PCBP3: variants seen among roughly 807,000 people sequenced by gnomAD.
The protein encoded by PCBP3 is poly(rC)-binding protein 3.
Under a neutral mutation model 52.7 loss-of-function variants are expected in PCBP3, and 25 were observed. The ratio of observed to expected loss-of-function variants is 0.47; its 90% CI spans 0.35 to 0.66. The LOEUF is 0.66. Among genes scored for constraint, PCBP3 ranks in the 30% least tolerant of loss-of-function variants. The pLI is 0.01. For synonymous variants in PCBP3, 162 were observed against 183.0 expected, an observed-to-expected ratio of 0.89 and a Z score of 0.93; for missense variants, 391 against 490.3, an observed-to-expected ratio of 0.80 and a Z score of 1.91.
At chr21:45,816,021 AGTGAGTG>A (rs1311847409) in intron 4 of PCBP3, among the ~76,000 whole-genome samples, 26 of 40,952 alleles carry the variant, frequency 6.3e-4, no homozygotes, top group Admixed American at 2.6e-3. Flanking sequence ...AGTGGTGAGT[AGTGAGTG>A]GTGAGTGGTG....
chr21:45,851,813 G>T (rs556955935), intron 5 of PCBP3, among the ~76,000 whole-genome samples: 7 of 152,200 alleles, frequency 4.6e-5, no homozygotes, highest in African/African-American at 7.2e-5. Context: ...TAATACTAAA[G>T]AAATTTAAGT....
rs188920821 is a variant in PCBP3 at position 45,854,866 on chromosome 21, C to T, written c.10+4771C>T. On this transcript the variant is annotated intron_variant, in intron 5 of 17. Transcript: ENST00000681687. ...GAGCAAGCACTCCGAGCCTCTGCCC[C>T]GCGGAATGCAGTGGTCTGAGAAGTA... 1.1e-4 allele frequency among the ~76,000 whole-genome samples: 16 copies of T among 152,250 alleles called. No individual in the cohort carries two copies. The East Asian group carries it at 1.4e-3, about 13-fold the overall frequency.
At chr21:45,664,011 TTTTTTTTTC>T (rs995530164) in intron 1 of PCBP3, among the ~76,000 whole-genome samples, 17 of 37,222 alleles carry the variant, frequency 4.6e-4, no homozygotes, top group South Asian at 1.2e-3. Flanking sequence ...GATGTTTTTC[TTTTTTTTTC>T]TTTTTTTTTT....
chr21:45,657,203 C>T (rs1954953322), intron 1 of PCBP3, among the ~76,000 whole-genome samples: 2 of 152,060 alleles, frequency 1.3e-5, no homozygotes, highest in African/African-American at 4.8e-5. Context: ...TCTTTTGTTG[C>T]TTGTGCTTTG....
chr21:45,721,089 A>C (rs930812492), intron 2 of PCBP3, among the ~76,000 whole-genome samples: 1 of 152,202 alleles, frequency 6.6e-6, no homozygotes, highest in Non-Finnish European at 1.5e-5. Flanking sequence ...GGAAGCAGCT[A>C]CTTGGCCAAA....
chr21:45,717,859 G>A (rs185747883), intron 2 of PCBP3, among the ~76,000 whole-genome samples: 3 of 152,304 alleles, frequency 2.0e-5, no homozygotes, highest in Admixed American at 1.3e-4. Context: ...GAGTTGGGAA[G>A]TATCCTTTTC....
At chr21:45,782,817 C>T (rs780607261) in intron 4 of PCBP3, among the ~76,000 whole-genome samples, 2 of 152,176 alleles carry the variant, frequency 1.3e-5, no homozygotes, top group Admixed American at 6.5e-5. Context: ...TAAAATGGTC[C>T]ATTGCTCTCC....
intron 5 of PCBP3, among the ~76,000 whole-genome samples, chr21:45,867,457 T>A (rs2094787166): frequency 6.6e-6 from 1 of 152,210 alleles, no homozygotes; most frequent in Non-Finnish European, 1.5e-5. Flanking sequence ...ACGGGGTCCC[T>A]GGCGCACCTG....
chr21:45,715,489 A>T (rs1384353732), intron 2 of PCBP3, among the ~76,000 whole-genome samples: 1 of 152,214 alleles, frequency 6.6e-6, no homozygotes, highest in Non-Finnish European at 1.5e-5. Flanking sequence ...TACCCTGAAA[A>T]TAATCCCATG....
intron 2 of PCBP3, among the ~76,000 whole-genome samples, chr21:45,723,761 C>T (rs534699257): frequency 2.0e-4 from 30 of 152,326 alleles, no homozygotes; most frequent in African/African-American, 6.7e-4. Context: ...GGGTCGAGCT[C>T]AGGGTCTGTG....
At chr21:45,716,574 G>A (rs2084240173) in intron 2 of PCBP3, among the ~76,000 whole-genome samples, 1 of 152,090 alleles carries the variant, frequency 6.6e-6, no homozygotes, top group Admixed American at 6.5e-5. Context: ...TCCTCTTCTT[G>A]TAAGGACACT....
Position 45,727,686 on chromosome 21 carries a change from G to A in PCBP3, c.-199-7706G>A, listed in dbSNP as rs546178309. Reference sequence around the variant, plus strand: ...GCCTGGCCTTGGGTGATTGGGGCAGGTGGGGAGTGGCCCCATGTGAGAGGA... The same window carrying A: ...GCCTGGCCTTGGGTGATTGGGGCAGATGGGGAGTGGCCCCATGTGAGAGGA... On this transcript the variant is annotated intron_variant, in intron 2 of 17. Coordinates refer to ENST00000681687, the MANE Select transcript of PCBP3 (RefSeq NM_001384156.1). 2.6e-5 allele frequency among the ~76,000 whole-genome samples: 4 copies of A among 152,298 alleles called. No individual in the cohort carries two copies. In the East Asian group the frequency reaches 7.7e-4, roughly 29 times the overall value.
chr21:45,717,767 T>C (rs2084324639), intron 2 of PCBP3, among the ~76,000 whole-genome samples: 1 of 152,254 alleles, frequency 6.6e-6, no homozygotes, highest in South Asian at 2.1e-4. Flanking sequence ...TACATGTGTA[T>C]TCATAAGAGA....
At chr21:45,718,038 C>T (rs959549146) in intron 2 of PCBP3, among the ~76,000 whole-genome samples, 1 of 152,078 alleles carries the variant, frequency 6.6e-6, no homozygotes, top group Non-Finnish European at 1.5e-5. Context: ...TCTCTTTTAT[C>T]TAGAGTCAGT....
At position 45,674,071 on chromosome 21, in the gene PCBP3, T is replaced by G. The variant is rs2081325100; in HGVS notation, c.-200+5119T>G. 2.0e-5 allele frequency among the ~76,000 whole-genome samples: 3 copies of G among 152,192 alleles called. No homozygotes were observed. In the South Asian group the frequency reaches 6.2e-4, roughly 32 times the overall value. ...TGGAATTTTGAAGATAATGAGATTT[T>G]GTAATGGAACCATGTTTCTCAGTAA... On this transcript the variant is annotated intron_variant, in intron 2 of 17. Transcript: ENST00000681687.
rs961158376 is a variant in PCBP3 at position 45,917,479 on chromosome 21, G to A, written c.676-109G>A. 6 of 822,228 alleles carry A rather than the reference G, an allele frequency of 7.3e-6. No individual in the cohort carries two copies. The highest frequency in any genetic ancestry group is 2.5e-5 in the East Asian group (1 of 40,546). The allele number at this position is 822,228 out of a possible 1,614,324, so 50.9% of individuals were successfully genotyped here. ...GATGGGGACAGGTGGAGAGGCACAC[G>A]AGGGGGAAGCTTCTACCGGAGGGTC... On this transcript the variant is annotated intron_variant, in intron 12 of 17. Transcript: ENST00000681687. This position sits in a 1 kb window ranked among gnomAD's most constrained non-coding sequence, Gnocchi z 5.3.
In PCBP3 at chr21:45,791,712, A is replaced by G. The variant is rs563172306; in HGVS notation, c.-126+36260A>G. Among the ~76,000 whole-genome samples the G allele has an allele frequency of 3.3e-5, 5 of 152,384 alleles. No homozygotes were observed. Among genetic ancestry groups the G allele is most frequent in the African/African-American group, 1.2e-4 (5 of 41,588 alleles). On this transcript the variant is annotated intron_variant, in intron 4 of 17. Coordinates refer to ENST00000681687, the MANE Select transcript of PCBP3 (RefSeq NM_001384156.1). The surrounding 1 kb of genome is among the most constrained non-coding windows in gnomAD (Gnocchi z 4.2). ...AAATACAACTACCTCTTCAGCTTAG[A>G]GAATAGTACTACTTGGTTTCCCTGG...
At chr21:45,694,745 C>G (rs1344805392) in intron 2 of PCBP3, among the ~76,000 whole-genome samples, 2 of 152,072 alleles carry the variant, frequency 1.3e-5, no homozygotes, top group Non-Finnish European at 2.9e-5. Flanking sequence ...AAAAGAACTT[C>G]TAGAAATAAA....
At chr21:45,895,404 T>C (rs532226400) in intron 5 of PCBP3, among the ~76,000 whole-genome samples, 21 of 152,240 alleles carry the variant, frequency 1.4e-4, no homozygotes, top group African/African-American at 5.1e-4. Flanking sequence ...GGTGTTGCCC[T>C]TCAGGGAAGG....
Sources: allele counts gnomAD v4.1 joint callset (sites outside exome capture counted in the v4.1 genomes callset), GRCh38; gene constraint gnomAD v4.1.1; non-coding constraint Gnocchi (gnomAD v3.1); transcripts MANE v1.5; gene names NCBI Gene and HGNC (gene_info 2026-07-23, HGNC 2026-07-21).